Variants in CIDEC observed in about 807,000 individuals in gnomAD.
The protein encoded by CIDEC is lipid transferase CIDEC.
In CIDEC, 11 loss-of-function variants were observed where a neutral mutation model predicts 21.9. The observed-to-expected ratio is 0.50, with a 90% confidence interval of 0.32 to 0.83. The LOEUF (loss-of-function observed/expected upper bound fraction) is 0.83, where lower values mean the gene tolerates loss of function less well. Among genes scored for constraint, CIDEC ranks in the 40% least tolerant of loss-of-function variants. CIDEC has a pLI of 0.04. For synonymous variants in CIDEC, 127 were observed against 124.9 expected, an observed-to-expected ratio of 1.02 and a Z score of -0.11; for missense variants, 302 against 302.3, an observed-to-expected ratio of 1.00 and a Z score of 0.01.
rs568693457 is a variant in CIDEC, at chr3:9,870,009, C to T, written c.427G>A (p.Val143Ile). ...KPAKKIDVARVTFDLYKLNPQ... is the reference protein window; with the variant it reads ...KPAKKIDVARITFDLYKLNPQ... ...TTCAGCTTGTACAGATCAAACGTTA[C>T]ACGGGCCACATCAATCTTCTTGGCA... Residue 143 changes from valine to isoleucine, a missense_variant, in exon 6 of 7, where the codon GTA becomes ATA. Physicochemically the swap from Val to Ile is conservative, Grantham distance 29. Transcript: ENST00000336832. The T allele has an allele frequency of 1.9e-6, 3 of 1,614,218 alleles. No homozygotes were observed. The South Asian group carries it at 3.3e-5, about 18-fold the overall frequency.
intron 6 of CIDEC, 52 bp from the exon 7 acceptor site, chr3:9,867,348 TG>T (rs770921985): frequency 6.3e-7 from 1 of 1,596,568 alleles, no homozygotes; most frequent in South Asian, 1.1e-5. Flanking sequence ...AGGTCGGGCA[TG>T]GCGTTCACGC....
At chr3:9,875,249 C>T (rs1289853958) in intron 4 of CIDEC, among the ~76,000 whole-genome samples, 8 of 151,782 alleles carry the variant, frequency 5.3e-5, no homozygotes, top group African/African-American at 7.3e-5. Context: ...CGGTGGCGGG[C>T]GCCCGTAGTC....
At chr3:9,871,173 A>ATTTTTTT (rs59917579) in intron 4 of CIDEC, among the ~76,000 whole-genome samples, 2 of 120,164 alleles carry the variant, frequency 1.7e-5, no homozygotes, top group Non-Finnish European at 3.5e-5. Flanking sequence ...TCTATGTTTA[A>ATTTTTTT]TTTTTTTTTT....
In CIDEC at chr3:9,869,947, C is replaced by T. The variant is rs746832230; in HGVS notation, c.489G>A (p.Ala163=). ...QDFIGCLNVK[A]TFYDTYSLSY... ...AAAGGGAGTATGTATCATAAAAAGTCGCCTTCACGTTCAGGCAGCCAATGA... is the reference window on the plus strand; with the variant it reads ...AAAGGGAGTATGTATCATAAAAAGTTGCCTTCACGTTCAGGCAGCCAATGA... The change falls in exon 6 of 7, where the codon GCG becomes GCA. Residue 163 remains alanine (A), a synonymous_variant. Coordinates refer to ENST00000336832, the MANE Select transcript of CIDEC (RefSeq NM_001321142.2). 8.1e-6 allele frequency: 13 copies of T among 1,614,060 alleles called. No individual in the cohort carries two copies. Among genetic ancestry groups the T allele is most frequent in the South Asian group, 1.1e-5 (1 of 91,088 alleles).
intron 2 of CIDEC, 47 bp from the exon 3 acceptor site, chr3:9,878,558 C>T: frequency 6.6e-7 from 1 of 1,522,196 alleles, no homozygotes; most frequent in Non-Finnish European, 9.1e-7. Context: ...TGAGAGGGTT[C>T]CCATCTCTCT....
intron 4 of CIDEC, among the ~76,000 whole-genome samples, chr3:9,870,956 T>G (rs2082339990): frequency 6.6e-6 from 1 of 152,136 alleles, no homozygotes; most frequent in Non-Finnish European, 1.5e-5. Context: ...CATTCTTTTT[T>G]TTTTTTGGCT....
chr3:9,879,094 A>G (rs573466933), intron 1 of CIDEC, 40 bp from the exon 2 acceptor site: 1 of 452,556 alleles, frequency 2.2e-6, no homozygotes, highest in East Asian at 3.8e-5. Flanking sequence ...ACTCTCCAAT[A>G]CCATTGCTAC....
At chr3:9,878,560 C>T in intron 2 of CIDEC, 49 bp from the exon 3 acceptor site, 1 of 1,519,570 alleles carries the variant, frequency 6.6e-7, no homozygotes, top group Non-Finnish European at 9.1e-7. Flanking sequence ...AGAGGGTTCC[C>T]ATCTCTCTCA....
Position 9,866,836 on chromosome 3 carries a change from AG to A in CIDEC, c.*297del. The A allele has an allele frequency of 3.4e-6, 2 of 595,538 alleles. No individual in the cohort carries two copies. Among genetic ancestry groups the A allele is most frequent in the Non-Finnish European group, 6.0e-6 (2 of 333,830 alleles). The allele number at this position is 595,538 out of a possible 1,614,324, so 36.9% of individuals were successfully genotyped here. On this transcript the variant is annotated 3_prime_UTR_variant, in exon 7 of 7. Transcript: ENST00000336832. The stretch of plus-strand genomic sequence containing the variant: ...GAGCACCATGAAAGTACAGCCTGCG[AG>A]GCCAGATTGCTAAGGGGCAGACTTC...
chr3:9,879,135 C>A, intron 1 of CIDEC, 81 bp from the exon 2 acceptor site: 3 of 286,412 alleles, frequency 1.0e-5, no homozygotes, highest in Non-Finnish European at 1.3e-5. Flanking sequence ...GTATTTGAAA[C>A]ATAACTAGTG....
chr3:9,867,263 C>G lies in CIDEC; in HGVS notation c.588G>C (p.Gln196His), dbSNP rs1132704. ...TGCCAAGCAGTACGTGGCCTGTGGC[C>G]TGCATGCTGAAGAGGGCCCAGCGGA... ...EAFRWALFSM[Q>H]ATGHVLLGTS... The change falls in exon 7 of 7, where the codon CAG becomes CAC. Residue 196 changes from glutamine to histidine, a missense_variant. Gln to His is a conservative substitution (Grantham distance 24). Coordinates refer to ENST00000336832, the MANE Select transcript of CIDEC (RefSeq NM_001321142.2). 6.2e-7 allele frequency: 1 copy of G among 1,614,198 alleles called. No individual in the cohort carries two copies.
Position 9,879,009 on chromosome 3 carries a change from C to A in CIDEC, c.-93G>T. 1.6e-6 allele frequency: 1 copy of A among 613,746 alleles called. No individual in the cohort carries two copies. Among genetic ancestry groups the A allele is most frequent in the Admixed American group, 2.7e-5 (1 of 37,492 alleles). The allele number at this position is 613,746 out of a possible 1,614,324, so 38.0% of individuals were successfully genotyped here. ...CTCCTCTCTCCCATGGGTCCTTGAGCAATCCGAGCCCCTTCCTGAGGCTTC... is the reference window on the plus strand; with the variant it reads ...CTCCTCTCTCCCATGGGTCCTTGAGAAATCCGAGCCCCTTCCTGAGGCTTC... On this transcript the variant is annotated 5_prime_UTR_variant, in exon 2 of 7. Coordinates refer to ENST00000336832, the MANE Select transcript of CIDEC (RefSeq NM_001321142.2).
intron 4 of CIDEC, among the ~76,000 whole-genome samples, chr3:9,876,772 A>C (rs3952527): frequency 0.01 from 945 of 93,540 alleles, 14 homozygotes; most frequent in African/African-American, 0.036. Flanking sequence ...AAAAAAAAAA[A>C]AAAAAAAAAA....
chr3:9,875,191 C>T (rs1156838016), intron 4 of CIDEC, among the ~76,000 whole-genome samples: 6 of 151,922 alleles, frequency 3.9e-5, no homozygotes, highest in African/African-American at 4.8e-5. Context: ...CTGGCTAACA[C>T]GGTGAAACCC....
At chr3:9,878,548 TGAGA>T in intron 2 of CIDEC, 37 bp from the exon 3 acceptor site, 1 of 1,564,754 alleles carries the variant, frequency 6.4e-7, no homozygotes, top group Non-Finnish European at 8.8e-7. Flanking sequence ...CAGGGTGAGA[TGAGA>T]GGGTTCCCAT....
intron 3 of CIDEC, among the ~76,000 whole-genome samples, chr3:9,877,570 T>C (rs760589394): frequency 2.6e-5 from 4 of 152,026 alleles, no homozygotes; most frequent in Non-Finnish European, 5.9e-5. Context: ...ACACAAGAAT[T>C]GCTTGAACCC....
chr3:9,869,250 CT>C (rs373618110), intron 6 of CIDEC, among the ~76,000 whole-genome samples: 1 of 151,248 alleles, frequency 6.6e-6, no homozygotes, highest in South Asian at 2.1e-4. Flanking sequence ...TTGACACGTG[CT>C]TTTTTTTGTT....
chr3:9,869,703 G>A lies in CIDEC; in HGVS notation c.554+179C>T, dbSNP rs185479545. On this transcript the variant is annotated intron_variant, in intron 6 of 6. Transcript: ENST00000336832. ...GGAACACGTGCACCCCTGGGCACAC[G>A]CCGGTGTCGTCCACAGCACTTCGAG... 4.6e-5 allele frequency among the ~76,000 whole-genome samples: 7 copies of A among 152,328 alleles called. No individual in the cohort carries two copies. The South Asian group carries it at 6.2e-4, about 14-fold the overall frequency.
At chr3:9,878,293 G>C (rs1353248393) in intron 3 of CIDEC, 141 bp downstream of exon 3, 1 of 729,028 alleles carries the variant, frequency 1.4e-6, no homozygotes. Flanking sequence ...GCAAAATCTC[G>C]GGTCCCACTC....
Sources: gnomAD v4.1 joint callset for allele counts (sites outside exome capture counted in the v4.1 genomes callset) on GRCh38, gnomAD v4.1.1 for gene constraint, MANE v1.5 for transcripts, NCBI Gene and HGNC (gene_info 2026-07-23, HGNC 2026-07-21) for gene names.